Variants in ADARB2 observed in about 807,000 individuals in gnomAD.
ADARB2 encodes adenosine deaminase RNA specific B2 (inactive).
ADARB2 carries 25 observed loss-of-function variants against 62.2 expected under a neutral mutation model. The observed-to-expected ratio is 0.40, with a 90% CI of 0.29 to 0.56. The LOEUF is 0.56. Among genes scored for constraint, ADARB2 ranks in the 20% least tolerant of loss-of-function variants. ADARB2 has a pLI of 0.43. For synonymous variants in ADARB2, 572 were observed against 500.8 expected (o/e 1.14, Z -1.90); for missense variants, 1,071 against 1,077.4 (o/e 0.99, Z 0.08).
chr10:1,463,295 C>T (rs1229399571), intron 1 of ADARB2, among the ~76,000 whole-genome samples: 1 of 152,144 alleles, frequency 6.6e-6, no homozygotes, highest in East Asian at 1.9e-4. Context: ...CAGCACTTGT[C>T]ACACAGAATC....
intron 1 of ADARB2, among the ~76,000 whole-genome samples, chr10:1,427,086 A>G (rs536860379): frequency 6.6e-6 from 1 of 152,254 alleles, no homozygotes; most frequent in Non-Finnish European, 1.5e-5. Flanking sequence ...CTCCATAAGT[A>G]GACTCACATG....
chr10:1,289,888 C>T (rs1358327052), intron 3 of ADARB2: 2 of 152,124 alleles, frequency 1.3e-5, no homozygotes, highest in African/African-American at 2.4e-5. Context: ...GCAGGAAGGC[C>T]CTCCCACGTG....
At chr10:1,594,128 A>G (rs1177380551) in intron 1 of ADARB2, among the ~76,000 whole-genome samples, 1 of 152,086 alleles carries the variant, frequency 6.6e-6, no homozygotes, top group African/African-American at 2.4e-5. Context: ...TGTCTCTACT[A>G]AAAATACAAA....
rs546898152 is a variant in ADARB2, at chr10:1,183,500, A to G, written c.2044-131T>C. ...CTTTCTTTCTCCCACTATTACAGAG[A>G]GCAACTGTGACCAGGTCCTCTGGCA... On this transcript the variant is annotated intron_variant, in intron 9 of 9. Transcript: ENST00000381312. 6.1e-6 allele frequency: 7 copies of G among 1,138,540 alleles called. No individual in the cohort carries two copies. The African/African-American group carries it at 9.4e-5, about 15-fold the overall frequency. 70.5% of individuals were successfully genotyped at this position (1,138,540 alleles called of 1,614,324 possible).
intron 3 of ADARB2, among the ~76,000 whole-genome samples, chr10:1,315,707 C>T (rs903342964): frequency 9.2e-5 from 14 of 152,232 alleles, no homozygotes; most frequent in Non-Finnish European, 2.1e-4. Context: ...GCCCCAGCAT[C>T]TCAAATATTT....
chr10:1,472,104 G>A (rs759165920), intron 1 of ADARB2, among the ~76,000 whole-genome samples: 16 of 152,316 alleles, frequency 1.1e-4, no homozygotes, highest in Middle Eastern at 6.8e-3. Context: ...CCAGTGAGAC[G>A]GCTGAGATGA....
intron 1 of ADARB2, among the ~76,000 whole-genome samples, chr10:1,515,188 C>T (rs1480033650): frequency 1.3e-5 from 2 of 152,228 alleles, no homozygotes; most frequent in African/African-American, 4.8e-5. Flanking sequence ...AGGAAGCAGA[C>T]TGAATGTCAG....
chr10:1,520,159 G>A (rs949819274), intron 1 of ADARB2, among the ~76,000 whole-genome samples: 2 of 152,108 alleles, frequency 1.3e-5, no homozygotes, highest in Non-Finnish European at 2.9e-5. Flanking sequence ...GAGCATATGC[G>A]GTTTTAACTT....
chr10:1,243,375 C>T (rs1419488641), intron 4 of ADARB2, among the ~76,000 whole-genome samples: 2 of 152,166 alleles, frequency 1.3e-5, no homozygotes, highest in African/African-American at 2.4e-5. Context: ...TAATGTCACG[C>T]CAGAAGCAGG....
chr10:1,434,085 C>T (rs950287506), intron 1 of ADARB2, among the ~76,000 whole-genome samples: 1 of 151,712 alleles, frequency 6.6e-6, no homozygotes, highest in African/African-American at 2.4e-5. Context: ...TTCAAGTATA[C>T]GTTAAAAAAG....
chr10:1,647,726 A>G (rs1395942525), intron 1 of ADARB2, among the ~76,000 whole-genome samples: 2 of 151,774 alleles, frequency 1.3e-5, no homozygotes, highest in Admixed American at 1.3e-4. Context: ...ATGTATGTGC[A>G]TGCATATGTG....
chr10:1,692,941 A>C (rs1224581864), intron 1 of ADARB2, among the ~76,000 whole-genome samples: 1 of 152,162 alleles, frequency 6.6e-6, no homozygotes, highest in Non-Finnish European at 1.5e-5. Flanking sequence ...GCTGGCTTTC[A>C]TAACTCCTGT....
chr10:1,531,972 T>A (rs1467128255), intron 1 of ADARB2, among the ~76,000 whole-genome samples: 1 of 152,192 alleles, frequency 6.6e-6, no homozygotes, highest in Admixed American at 6.5e-5. Context: ...TGTGTGTTGT[T>A]TTCAAAAAAA....
chr10:1,350,623 G>A (rs1037259759), intron 3 of ADARB2, among the ~76,000 whole-genome samples: 3 of 152,134 alleles, frequency 2.0e-5, no homozygotes, highest in Non-Finnish European at 2.9e-5. Flanking sequence ...ATCAGTTAGC[G>A]TTTAGGCTCT....
At chr10:1,654,805 G>T (rs1362396943) in intron 1 of ADARB2, among the ~76,000 whole-genome samples, 1 of 152,236 alleles carries the variant, frequency 6.6e-6, no homozygotes, top group Non-Finnish European at 1.5e-5. Context: ...GTGTGCTGCA[G>T]GTGAGCTTGG....
chr10:1,636,463 G>A (rs1388517685), intron 1 of ADARB2, among the ~76,000 whole-genome samples: 2 of 152,280 alleles, frequency 1.3e-5, no homozygotes, highest in East Asian at 3.9e-4. Context: ...GCTGCAGTGA[G>A]CTGTGATTGC....
At position 1,180,797 on chromosome 10, in the gene ADARB2, C is replaced by G. The variant is rs987762783; in HGVS notation, c.*2396G>C. ...CTCTGAAGAGCTTTAATCTCTCCTT[C>G]CATGGAGTCTCCTGTGGACTTAATA... On this transcript the variant is annotated 3_prime_UTR_variant, in exon 10 of 10. Transcript: ENST00000381312. The G allele has an allele frequency of 5.9e-5, 9 of 152,254 alleles. No individual in the cohort carries two copies. In the East Asian group the frequency reaches 1.7e-3, roughly 29 times the overall value. 9.4% of individuals were successfully genotyped at this position (152,254 alleles called of 1,614,324 possible).
At chr10:1,695,906 G>A (rs1035554269) in intron 1 of ADARB2, among the ~76,000 whole-genome samples, 25 of 152,194 alleles carry the variant, frequency 1.6e-4, no homozygotes, top group African/African-American at 5.3e-4. Flanking sequence ...GGGCACACAC[G>A]TGCAGATGTA....
At position 1,737,127 on chromosome 10, in the gene ADARB2, G is replaced by A; in HGVS notation, c.24C>T (p.Gly8=). The change falls in exon 1 of 10, where the codon GGC becomes GGT. Residue 8 remains glycine (G), a synonymous_variant. Transcript: ENST00000381312. Reference sequence around the variant, plus strand: ...GACTGCTCAGCCCTCCAGACCCTCTGCCGCTCCCCAGGACCGAGGCCATGG... The same window carrying A: ...GACTGCTCAGCCCTCCAGACCCTCTACCGCTCCCCAGGACCGAGGCCATGG... MASVLGS[G]RGSGGLSSQL... The A allele has an allele frequency of 6.2e-7, 1 of 1,609,754 alleles. No homozygotes were observed. Among genetic ancestry groups the A allele is most frequent in the Non-Finnish European group, 8.5e-7 (1 of 1,179,886 alleles).
Sources: allele counts gnomAD v4.1 joint callset (sites outside exome capture counted in the v4.1 genomes callset), GRCh38; gene constraint gnomAD v4.1.1; transcripts MANE v1.5; gene names NCBI Gene and HGNC (gene_info 2026-07-23, HGNC 2026-07-21).